Variants in MBIP observed in about 807,000 individuals in gnomAD.
The protein encoded by MBIP is MAP3K12 binding inhibitory protein 1, also known as MAP3K12-binding inhibitory protein 1.
In MBIP, 32 loss-of-function variants were observed where a neutral mutation model predicts 45.7. The observed-to-expected ratio is 0.70, with a 90% confidence interval of 0.53 to 0.94. The LOEUF (loss-of-function observed/expected upper bound fraction) is 0.94, where lower values mean the gene tolerates loss of function less well. Among genes scored for constraint, MBIP ranks in the 40% least tolerant of loss-of-function variants. The probability of loss-of-function intolerance (pLI) is 0.00; values close to 1 mark genes in which losing one functional copy is unlikely to be tolerated. For missense variants in MBIP, 381 were observed against 405.5 expected (o/e 0.94, Z 0.52); for synonymous variants, 145 against 141.0 (o/e 1.03, Z -0.20).
chr14:36,311,015 G>A (rs535309468), intron 6 of MBIP, among the ~76,000 whole-genome samples: 22 of 152,308 alleles, frequency 1.4e-4, no homozygotes, highest in African/African-American at 5.3e-4. Context: ...ATCAGTCCAA[G>A]CCAGAGATCA....
At position 36,298,601 on chromosome 14, in the gene MBIP, C is replaced by T. The variant is rs1450666013; in HGVS notation, c.*482G>A. 1 of 153,842 alleles carries T rather than the reference C, an allele frequency of 6.5e-6. No individual in the cohort carries two copies. The highest frequency in any genetic ancestry group is 1.4e-5 in the Non-Finnish European group (1 of 69,100). 9.5% of individuals were successfully genotyped at this position (153,842 alleles called of 1,614,324 possible). ...TATTGTTTATTTACATGAATACTGA[C>T]ATCTTAAAGATTAAGAAAAACAAGT... On this transcript the variant is annotated 3_prime_UTR_variant, in exon 9 of 9. Transcript: ENST00000416007.
chr14:36,311,573 C>T lies in MBIP; in HGVS notation c.790G>A (p.Gly264Ser). 1 of 1,607,436 alleles carries T rather than the reference C, an allele frequency of 6.2e-7. No individual in the cohort carries two copies. Among genetic ancestry groups the T allele is most frequent in the African/African-American group, 1.3e-5 (1 of 74,726 alleles). Residue 264 changes from glycine to serine, a missense_variant and splice_region_variant, in exon 6 of 9, where the codon GGT (glycine) becomes AGT (serine). Gly to Ser is a moderately conservative substitution (Grantham distance 56). Coordinates refer to ENST00000416007, the MANE Select transcript of MBIP (RefSeq NM_016586.3). ...NIEAHLRLQT[G>S]GPVPRDIYQR... ...AGGTGCCACTTAGCACTTTGCTTAC[C>T]TGTCTGTAACCGCAAGTGGGCCTCA...
chr14:36,311,567 G>T lies in MBIP; in HGVS notation c.790+6C>A. On this transcript the variant is annotated splice_donor_region_variant and intron_variant, in intron 6 of 8. Transcript: ENST00000416007. ...ATTATGAGGTGCCACTTAGCACTTTGCTTACCTGTCTGTAACCGCAAGTGG... is the reference window on the plus strand; with the variant it reads ...ATTATGAGGTGCCACTTAGCACTTTTCTTACCTGTCTGTAACCGCAAGTGG... 6.2e-7 allele frequency: 1 copy of T among 1,606,524 alleles called. No homozygotes were observed.
chr14:36,319,890 A>G (rs1880787022), intron 1 of MBIP: 1 of 167,398 alleles, frequency 6.0e-6, no homozygotes, highest in Non-Finnish European at 1.3e-5. Context: ...TCTAACGCCA[A>G]CAGCATTTTA....
chr14:36,299,947 T>C (rs1879435803), intron 8 of MBIP, among the ~76,000 whole-genome samples: 1 of 151,976 alleles, frequency 6.6e-6, no homozygotes, highest in South Asian at 2.1e-4. Flanking sequence ...TGCTAATAGA[T>C]ACAGGGTTTT....
intron 1 of MBIP, 110 bp from the exon 2 acceptor site, chr14:36,316,922 T>C: frequency 1.7e-6 from 2 of 1,151,010 alleles, no homozygotes; most frequent in East Asian, 5.1e-5. Context: ...TTGCTCTAAG[T>C]TATCAAGTTT....
intron 7 of MBIP, among the ~76,000 whole-genome samples, chr14:36,307,522 A>C (rs1879953407): frequency 6.6e-6 from 1 of 152,232 alleles, no homozygotes; most frequent in African/African-American, 2.4e-5. Flanking sequence ...TGCCAAAGAT[A>C]CTAACTTACC....
In MBIP at chr14:36,300,787, G is replaced by T; in HGVS notation, c.925C>A (p.Gln309Lys). The change falls in exon 8 of 9, where the codon CAA (glutamine) becomes AAA (lysine). Residue 309 changes from glutamine (Q) to lysine (K), a missense_variant and splice_region_variant. Coordinates refer to ENST00000416007, the MANE Select transcript of MBIP (RefSeq NM_016586.3). Reference protein sequence around the residue: ...SGKRRKVQPPQQNYSLAELDE... With the variant: ...SGKRRKVQPPKQNYSLAELDE... ...AAAATGAAAATGCAGTAACTTACTT[G>T]AGGTGGTTGAACTTTTCTTCTTTTT... 6.4e-7 allele frequency: 1 copy of T among 1,552,178 alleles called. No individual in the cohort carries two copies. Among genetic ancestry groups the T allele is most frequent in the Non-Finnish European group, 8.8e-7 (1 of 1,142,256 alleles).
intron 7 of MBIP, among the ~76,000 whole-genome samples, chr14:36,305,962 A>G (rs760570654): frequency 3.3e-5 from 5 of 152,174 alleles, no homozygotes; most frequent in Non-Finnish European, 7.3e-5. Flanking sequence ...AAGCTAGCAT[A>G]ATACTATCTC....
At chr14:36,320,304 G>A in intron 1 of MBIP, 156 bp downstream of exon 1, 2 of 985,212 alleles carry the variant, frequency 2.0e-6, no homozygotes. Flanking sequence ...CACTCCGACC[G>A]AGGAGGCTGG....
intron 7 of MBIP, chr14:36,305,191 G>A (rs1163213913): frequency 6.6e-6 from 1 of 152,202 alleles, no homozygotes; most frequent in Non-Finnish European, 1.5e-5. Context: ...CACTCTTAGA[G>A]CTGACTGTAT....
At chr14:36,303,505 G>A (rs982709938) in intron 7 of MBIP, among the ~76,000 whole-genome samples, 1 of 152,184 alleles carries the variant, frequency 6.6e-6, no homozygotes, top group African/African-American at 2.4e-5. Flanking sequence ...CTTATGGCAT[G>A]TTTCTGTATT....
chr14:36,317,496 C>T (rs1181934505), intron 1 of MBIP, among the ~76,000 whole-genome samples: 4 of 152,088 alleles, frequency 2.6e-5, no homozygotes, highest in African/African-American at 9.7e-5. Flanking sequence ...AGTTGTCAGA[C>T]TGGATGAAAT....
intron 6 of MBIP, among the ~76,000 whole-genome samples, chr14:36,309,410 CACTGCACAAACCTAGGA>C (rs1369032389): frequency 2.0e-5 from 3 of 152,166 alleles, no homozygotes; most frequent in Non-Finnish European, 4.4e-5. Context: ...GCAGCTTGTG[CACTGCACAAACCTAGGA>C]AGCATCAGTT....
chr14:36,317,775 A>C (rs1299026438), intron 1 of MBIP, among the ~76,000 whole-genome samples: 1 of 152,100 alleles, frequency 6.6e-6, no homozygotes, highest in African/African-American at 2.4e-5. Flanking sequence ...AGTTAACATA[A>C]TTTATTCAAA....
At chr14:36,299,289 G>T (rs1343076969) in intron 8 of MBIP, 99 bp from the exon 9 acceptor site, 6 of 779,298 alleles carry the variant, frequency 7.7e-6, no homozygotes, top group Non-Finnish European at 1.1e-5. Flanking sequence ...ATATTCAAAA[G>T]CATGATCAAA....
chr14:36,317,937 T>C (rs1182090348), intron 1 of MBIP, among the ~76,000 whole-genome samples: 1 of 152,044 alleles, frequency 6.6e-6, no homozygotes, highest in Non-Finnish European at 1.5e-5. Context: ...ATAAATACTA[T>C]GTGACAGAAA....
At position 36,299,057 on chromosome 14, in the gene MBIP, A is replaced by G. The variant is rs773816893; in HGVS notation, c.*26T>C. The G allele has an allele frequency of 1.9e-5, 30 of 1,551,798 alleles. No homozygotes were observed. Among genetic ancestry groups the G allele is most frequent in the Non-Finnish European group, 2.7e-5 (30 of 1,123,792 alleles). The stretch of plus-strand genomic sequence containing the variant: ...GTTACACATATGTATACAAAAAAGT[A>G]AAATGACAAGGATGAGAGGAGTTTT... On this transcript the variant is annotated 3_prime_UTR_variant, in exon 9 of 9. Transcript: ENST00000416007.
At chr14:36,301,027 A>G (rs1284016318) in intron 7 of MBIP, 2 of 358,968 alleles carry the variant, frequency 5.6e-6, no homozygotes. Flanking sequence ...CGTTAACAAT[A>G]TATAATAGTA....
Sources: gnomAD v4.1 joint callset for allele counts (sites outside exome capture counted in the v4.1 genomes callset) on GRCh38, gnomAD v4.1.1 for gene constraint, MANE v1.5 for transcripts, NCBI Gene and HGNC (gene_info 2026-07-23, HGNC 2026-07-21) for gene names.